The following VPS28 variants were observed in gnomAD, a reference collection of about 807,000 sequenced individuals.
VPS28 encodes vacuolar protein sorting-associated protein 28 homolog.
VPS28 carries 29 observed loss-of-function variants against 33.7 expected under a neutral mutation model. The ratio of observed to expected loss-of-function variants is 0.86; its 90% confidence interval spans 0.64 to 1.17. VPS28 has a LOEUF of 1.17. VPS28 is among the 50% of genes most tolerant of loss of function. The pLI is 0.00. For missense variants in VPS28, 247 were observed against 312.2 expected, an observed-to-expected ratio of 0.79 and a Z score of 1.57; for synonymous variants, 164 against 116.7, an observed-to-expected ratio of 1.40 and a Z score of -2.61.
At position 144,425,031 on chromosome 8, in the gene VPS28, C is replaced by T; in HGVS notation, c.215G>A (p.Arg72Gln). The change falls in exon 6 of 10, where the codon CGG (arginine) becomes CAG (glutamine). Residue 72 changes from arginine to glutamine, a missense_variant. Physicochemically the swap from Arg to Gln is conservative, Grantham distance 43. Transcript: ENST00000292510. ...SPSEYTAACS[R>Q]LLVQYKAAFR... ...GGCAGCTTTGTATTGGACCAGGAGCCGGGAGCAGGCTGCAGTGTACCTAGG... is the reference window on the plus strand; with the variant it reads ...GGCAGCTTTGTATTGGACCAGGAGCTGGGAGCAGGCTGCAGTGTACCTAGG... 1.3e-6 allele frequency: 2 copies of T among 1,552,276 alleles called. No individual in the cohort carries two copies. Among genetic ancestry groups the T allele is most frequent in the Non-Finnish European group, 1.7e-6 (2 of 1,147,272 alleles).
intron 1 of VPS28, among the ~76,000 whole-genome samples, chr8:144,428,257 T>G (rs1363624497): frequency 6.6e-6 from 1 of 152,230 alleles, no homozygotes; most frequent in Non-Finnish European, 1.5e-5. Flanking sequence ...CGCAGGAGCT[T>G]CTGCCTAACA....
intron 1 of VPS28, among the ~76,000 whole-genome samples, chr8:144,427,799 G>A (rs1470766842): frequency 6.6e-6 from 1 of 152,242 alleles, no homozygotes; most frequent in Admixed American, 6.5e-5. Flanking sequence ...TTTGAAAGTG[G>A]AGCCGTCAGA....
chr8:144,424,178 C>T (rs781920781), intron 8 of VPS28, 37 bp downstream of exon 8: 5 of 1,566,152 alleles, frequency 3.2e-6, no homozygotes, highest in South Asian at 1.2e-5. Flanking sequence ...GCTCCATCCC[C>T]TCCTGCCTAG....
intron 1 of VPS28, among the ~76,000 whole-genome samples, chr8:144,427,771 A>T (rs1441302703): frequency 1.3e-5 from 2 of 152,262 alleles, no homozygotes; most frequent in Admixed American, 1.3e-4. Flanking sequence ...AAGCTGGGCC[A>T]GCTCCAGACG....
chr8:144,427,773 C>T (rs1822884004), intron 1 of VPS28, among the ~76,000 whole-genome samples: 1 of 152,264 alleles, frequency 6.6e-6, no homozygotes, highest in Non-Finnish European at 1.5e-5. Context: ...GCTGGGCCAG[C>T]TCCAGACGTT....
At chr8:144,426,691 G>A (rs1457562240) in intron 2 of VPS28, 5 of 560,824 alleles carry the variant, frequency 8.9e-6, no homozygotes, top group African/African-American at 1.9e-5. Flanking sequence ...TGGCCACACC[G>A]AAGCTCATCA....
At chr8:144,425,991 G>T in intron 4 of VPS28, 35 bp downstream of exon 4, 1 of 1,482,636 alleles carries the variant, frequency 6.7e-7, no homozygotes, top group South Asian at 1.3e-5. Flanking sequence ...AGATGCGCAT[G>T]GGTGTGTTGG....
rs1489102689 is a variant in VPS28, at chr8:144,424,520, T to TC, written c.402+197dup. The TC allele has an allele frequency of 3.0e-5, 24 of 789,256 alleles. No homozygotes were observed. In the Admixed American group the frequency reaches 5.4e-4, roughly 18 times the overall value. The allele number at this position is 789,256 out of a possible 1,614,324, so 48.9% of individuals were successfully genotyped here. A position where few individuals can be genotyped will look rare whatever the true frequency, so the allele number is the denominator to read the frequency against. ...CCCGCCAGAACGCACCCTGTGCTCATCCCCCCGACAGGAGTCCAGGTGGCC... is the reference window on the plus strand; with the variant it reads ...CCCGCCAGAACGCACCCTGTGCTCATCCCCCCCGACAGGAGTCCAGGTGGCC... On this transcript the variant is annotated intron_variant, in intron 7 of 9. Coordinates refer to ENST00000292510, the MANE Select transcript of VPS28 (RefSeq NM_016208.4).
At position 144,426,077 on chromosome 8, in the gene VPS28, C is replaced by T. The variant is rs372055974; in HGVS notation, c.67-14G>A. 4.7e-5 allele frequency: 73 copies of T among 1,549,418 alleles called. No individual in the cohort carries two copies. The highest frequency in any genetic ancestry group is 7.8e-5 in the Admixed American group (4 of 51,218). ...CAACTTCACTTCCTGCCGGAGAGAGCGGGCTCTGTGGGCCAGTGCCAACAG... is the reference window on the plus strand; with the variant it reads ...CAACTTCACTTCCTGCCGGAGAGAGTGGGCTCTGTGGGCCAGTGCCAACAG... On this transcript the variant is annotated splice_polypyrimidine_tract_variant and intron_variant, in intron 3 of 9. Transcript: ENST00000292510.
At chr8:144,426,883 G>A in intron 2 of VPS28, 26 bp downstream of exon 2, 1 of 1,611,832 alleles carries the variant, frequency 6.2e-7, no homozygotes, top group South Asian at 1.1e-5. Context: ...GCGGCTGAAA[G>A]CCTGCGCCCT....
At position 144,426,926 on chromosome 8, in the gene VPS28, G is replaced by T. The variant is rs1822800208; in HGVS notation, c.20C>A (p.Ala7Asp). 6.2e-7 allele frequency: 1 copy of T among 1,612,650 alleles called. No individual in the cohort carries two copies. The highest frequency in any genetic ancestry group is 8.5e-7 in the Non-Finnish European group (1 of 1,179,790). ...ACACTCACCTCCTATGCCCGGCGTG[G>T]CTGGGATCCCATGAAACATCCTCTA... MFHGIP[A>D]TPGIGAPGNK... Residue 7 changes from alanine to aspartate, a missense_variant, in exon 2 of 10, where the codon GCC becomes GAC. Physicochemically the swap from Ala to Asp is moderately radical, Grantham distance 126 (BLOSUM62 -2). Around this residue, in one of 3 missense-constraint regions of VPS28, gnomAD observed 149 missense variants for 172.8 expected, o/e 0.86. Transcript: ENST00000292510.
chr8:144,428,300 T>A (rs1266876021), intron 1 of VPS28, among the ~76,000 whole-genome samples, 189 bp downstream of exon 1: 1 of 152,170 alleles, frequency 6.6e-6, no homozygotes, highest in Non-Finnish European at 1.5e-5. Flanking sequence ...CACAAGCAAA[T>A]GTGCAAAACA....
In VPS28 at chr8:144,424,094, G is replaced by A. The variant is rs376781837; in HGVS notation, c.495C>T (p.His165=). The A allele has an allele frequency of 2.6e-6, 4 of 1,558,642 alleles. No individual in the cohort carries two copies. Among genetic ancestry groups the A allele is most frequent in the East Asian group, 2.3e-5 (1 of 44,310 alleles). The change falls in exon 9 of 10, where the codon CAC becomes CAT. Residue 165 remains histidine (H), a synonymous_variant. Coordinates refer to ENST00000292510, the MANE Select transcript of VPS28 (RefSeq NM_016208.4). ...PDLRELMETM[H]RMSHLPPDFE... ...AGTCGGGTGGGAGGTGGCTCATGCG[G>A]TGCATGGTCTCCATCAGCTCTCGCA...
At chr8:144,426,589 T>C (rs1554876841) in intron 2 of VPS28, 1 of 450,926 alleles carries the variant, frequency 2.2e-6, no homozygotes, top group East Asian at 4.2e-5. Flanking sequence ...CACGCCCTGC[T>C]CGTGGCTCAT....
At chr8:144,424,868 G>A (rs782814240) in intron 6 of VPS28, 49 bp from the exon 7 acceptor site, 3 of 1,612,828 alleles carry the variant, frequency 1.9e-6, no homozygotes, top group Non-Finnish European at 2.5e-6. Context: ...GCAAGCCCCA[G>A]GTGGCCAGAG....
rs1173589707 is a variant in VPS28 at position 144,426,141 on chromosome 8, TG to T, written c.66+38del. 1.9e-6 allele frequency: 3 copies of T among 1,593,888 alleles called. No individual in the cohort carries two copies. The African/African-American group carries it at 4.0e-5, about 21-fold the overall frequency. The stretch of plus-strand genomic sequence containing the variant: ...CTGGTGAGGCCACACAGGCATTTGC[TG>T]TTGGCCAATGCCGGCCGGGTGGGCA... On this transcript the variant is annotated intron_variant, in intron 3 of 9. Coordinates refer to ENST00000292510, the MANE Select transcript of VPS28 (RefSeq NM_016208.4).
Position 144,424,989 on chromosome 8 carries a change from C to T in VPS28, c.257G>A (p.Gly86Asp), listed in dbSNP as rs1554876339. ...TTCGTCAATAGAGCTGATTTCTGAG[C>T]CCTGGACCTGCCTGAAGGCAGCTTT... ...QYKAAFRQVQ[G>D]SEISSIDEFC... is the part of the protein sequence containing the mutation. The change falls in exon 6 of 10, where the codon GGC (glycine) becomes GAC (aspartate). Residue 86 changes from glycine to aspartate, a missense_variant. Physicochemically the swap from Gly to Asp is moderately conservative, Grantham distance 94 (BLOSUM62 -1). Coordinates refer to ENST00000292510, the MANE Select transcript of VPS28 (RefSeq NM_016208.4). 14 of 1,559,298 alleles carry T rather than the reference C, an allele frequency of 9.0e-6. No homozygotes were observed. The highest frequency in any genetic ancestry group is 7.8e-6 in the Non-Finnish European group (9 of 1,150,712).
At position 144,425,613 on chromosome 8, in the gene VPS28, G is replaced by A. The variant is rs1554876487; in HGVS notation, c.194+70C>T. 2.6e-6 allele frequency: 4 copies of A among 1,538,730 alleles called. No homozygotes were observed. The African/African-American group carries it at 4.1e-5, about 16-fold the overall frequency. On this transcript the variant is annotated intron_variant, in intron 5 of 9. Coordinates refer to ENST00000292510, the MANE Select transcript of VPS28 (RefSeq NM_016208.4). The stretch of plus-strand genomic sequence containing the variant: ...GTGCCTCCCAGCCTGACAGACGCCT[G>A]CTCTTGCTGCCTATGGAGCACCCAA...
intron 4 of VPS28, 107 bp from the exon 5 acceptor site, chr8:144,425,879 T>C (rs2272658): frequency 0.53 from 823,901 of 1,553,136 alleles, 220,119 homozygotes; most frequent in East Asian, 0.63. Flanking sequence ...GCCCACCTCT[T>C]GCTCCATCCT....
Sources: gnomAD v4.1 joint callset for allele counts (sites outside exome capture counted in the v4.1 genomes callset) on GRCh38, gnomAD v4.1.1 for gene constraint, gnomAD v4.1.1 regional missense constraint, MANE v1.5 for transcripts, NCBI Gene and HGNC (gene_info 2026-07-23, HGNC 2026-07-21) for gene names.